Variants in SLC9A8 observed in about 807,000 individuals in gnomAD.
SLC9A8 encodes solute carrier family 9 member A8.
In SLC9A8, 48 loss-of-function variants were observed where a neutral mutation model predicts 66.6. That is an observed-to-expected ratio of 0.72 (90% CI 0.57 to 0.92). The LOEUF is 0.92. SLC9A8 is among the 40% of genes least tolerant of loss of function. The probability of loss-of-function intolerance (pLI) is 0.00; values close to 1 mark genes in which losing one functional copy is unlikely to be tolerated. For missense variants in SLC9A8, 599 were observed against 747.3 expected (o/e 0.80, Z 2.31); for synonymous variants, 274 against 282.6 (o/e 0.97, Z 0.31).
Position 49,855,457 on chromosome 20 carries a change from A to G in SLC9A8, c.589A>G (p.Ile197Val). The change falls in exon 8 of 16, where the codon ATA (isoleucine) becomes GTA (valine). Residue 197 changes from isoleucine to valine, a missense_variant. Ile to Val is a conservative substitution (Grantham distance 29). This residue lies in a region of SLC9A8 where 467 missense variants were observed against 626.5 expected (regional missense o/e 0.75). Transcript: ENST00000361573. Reference sequence around the variant, plus strand: ...TTACAGTTTTGCGTTTGGCTCCCTAATATCTGCTGTCGATCCAGTGGCCAC... The same window carrying G: ...TTACAGTTTTGCGTTTGGCTCCCTAGTATCTGCTGTCGATCCAGTGGCCAC... ...MTDSFAFGSL[I>V]SAVDPVATIA... is the part of the protein sequence containing the mutation. 1 of 1,614,122 alleles carries G rather than the reference A, an allele frequency of 6.2e-7. No homozygotes were observed. The highest frequency in any genetic ancestry group is 8.5e-7 in the Non-Finnish European group (1 of 1,180,026).
chr20:49,863,770 TTA>T (rs2088843330), intron 9 of SLC9A8: 1 of 152,240 alleles, frequency 6.6e-6, no homozygotes, highest in African/African-American at 2.4e-5. Flanking sequence ...AGAAATTTCA[TTA>T]TGTTTAAAAT....
At chr20:49,867,533 T>C (rs1458218820) in intron 10 of SLC9A8, among the ~76,000 whole-genome samples, 1 of 152,220 alleles carries the variant, frequency 6.6e-6, no homozygotes, top group Non-Finnish European at 1.5e-5. Context: ...CCGACATATT[T>C]ACTGATCAGT....
At position 49,886,502 on chromosome 20, in the gene SLC9A8, C is replaced by T. The variant is rs2089897279; in HGVS notation, c.1492-250C>T. 4.7e-6 allele frequency: 2 copies of T among 424,552 alleles called. No homozygotes were observed. The highest frequency in any genetic ancestry group is 8.4e-6 in the Non-Finnish European group (2 of 239,238). The allele number at this position is 424,552 out of a possible 1,614,324, so 26.3% of individuals were successfully genotyped here. A position where few individuals can be genotyped will look rare whatever the true frequency, so the allele number is the denominator to read the frequency against. ...AAGCTTGAAAAGCTTAAAGACCAAG[C>T]CCCAGCCTGGCCCAGTCCTTCTGTT... On this transcript the variant is annotated intron_variant, in intron 14 of 15. Coordinates refer to ENST00000361573, the MANE Select transcript of SLC9A8 (RefSeq NM_015266.3). The surrounding 1 kb of genome is among the most constrained non-coding windows in gnomAD (Gnocchi z 4.8).
chr20:49,887,510 G>A (rs1967758742), intron 15 of SLC9A8, among the ~76,000 whole-genome samples: 1 of 152,154 alleles, frequency 6.6e-6, no homozygotes, highest in Admixed American at 6.5e-5. Context: ...AGGCCTAAGG[G>A]GGTGCAGTAA....
intron 8 of SLC9A8, 122 bp downstream of exon 8, chr20:49,855,703 A>T (rs559584703): frequency 1.1e-6 from 1 of 889,120 alleles, no homozygotes; most frequent in Non-Finnish European, 1.7e-6. Context: ...TGATCAGTTC[A>T]CCCACTCTCT....
chr20:49,872,115 A>G (rs984680443), intron 10 of SLC9A8, among the ~76,000 whole-genome samples: 1 of 152,202 alleles, frequency 6.6e-6, no homozygotes, highest in Non-Finnish European at 1.5e-5. Context: ...GTGAAACTCC[A>G]TCTCAAAGGA....
chr20:49,882,998 G>GCC (rs1414586121), intron 13 of SLC9A8, among the ~76,000 whole-genome samples: 1 of 134,772 alleles, frequency 7.4e-6, no homozygotes, highest in Non-Finnish European at 1.6e-5. Flanking sequence ...TCTGCACCAT[G>GCC]CCCCCCCCCA....
intron 13 of SLC9A8, 85 bp downstream of exon 13, chr20:49,881,120 C>A: frequency 1.0e-6 from 1 of 975,126 alleles, no homozygotes; most frequent in South Asian, 1.3e-5. Flanking sequence ...TCTCTGCTAG[C>A]GCCCTTGGCA....
intron 14 of SLC9A8, chr20:49,884,289 GACACACACACACAC>G (rs1176516884): frequency 5.2e-5 from 2 of 38,758 alleles, no homozygotes; most frequent in Admixed American, 3.7e-4. Context: ...ACACACACAC[GACACACACACACAC>G]ACACACACAC....
rs1333005222 is a variant in SLC9A8 at position 49,844,975 on chromosome 20, T to C, written c.349-61T>C. On this transcript the variant is annotated intron_variant, in intron 4 of 15. Transcript: ENST00000361573. ...AATAATTATTTTGGCTCTTTATTGA[T>C]TAATTTATTTCTTAATTACACAAAT... is the stretch of plus-strand genomic sequence containing the variant. 4.1e-6 allele frequency: 5 copies of C among 1,220,276 alleles called. No individual in the cohort carries two copies. In the African/African-American group the frequency reaches 4.5e-5, roughly 11 times the overall value. 75.6% of individuals were successfully genotyped at this position (1,220,276 alleles called of 1,614,324 possible). A position where few individuals can be genotyped will look rare whatever the true frequency, so the allele number is the denominator to read the frequency against.
chr20:49,820,471 G>A (rs1196045585), intron 2 of SLC9A8, among the ~76,000 whole-genome samples: 5 of 152,010 alleles, frequency 3.3e-5, no homozygotes, highest in Admixed American at 3.3e-4. Flanking sequence ...ACTCCAGCCT[G>A]GGTGACAGAG....
intron 3 of SLC9A8, chr20:49,831,082 C>T (rs573556403): frequency 7.8e-5 from 52 of 667,238 alleles, no homozygotes; most frequent in Admixed American, 3.0e-4. Flanking sequence ...CCTGCATACA[C>T]TAAGCCGTCG....
At chr20:49,883,306 A>T (rs1441668856) in intron 13 of SLC9A8, among the ~76,000 whole-genome samples, 7 of 152,202 alleles carry the variant, frequency 4.6e-5, no homozygotes, top group Non-Finnish European at 8.8e-5. Context: ...CAGGGACAGC[A>T]TCTCGAGATA....
At chr20:49,817,612 G>C (rs940665400) in intron 2 of SLC9A8, among the ~76,000 whole-genome samples, 1 of 152,072 alleles carries the variant, frequency 6.6e-6, no homozygotes, top group Non-Finnish European at 1.5e-5. Flanking sequence ...GGGCAACATA[G>C]TGAGACTCTG....
chr20:49,828,331 C>T (rs2087004929), intron 3 of SLC9A8, among the ~76,000 whole-genome samples: 1 of 151,624 alleles, frequency 6.6e-6, no homozygotes, highest in South Asian at 2.1e-4. Context: ...ATCCGCCTGC[C>T]TCGGCCTCCC....
chr20:49,829,471 C>T (rs549023454), intron 3 of SLC9A8: 181 of 209,382 alleles, frequency 8.6e-4, no homozygotes, highest in Non-Finnish European at 1.1e-3. Flanking sequence ...TGCAGTGAGC[C>T]GAGATCGCAC....
chr20:49,851,719 C>T (rs2088261493), intron 7 of SLC9A8, among the ~76,000 whole-genome samples: 1 of 152,196 alleles, frequency 6.6e-6, no homozygotes, highest in Non-Finnish European at 1.5e-5. Flanking sequence ...CCACCCACCC[C>T]AGCCCAGGAC....
intron 6 of SLC9A8, 191 bp from the exon 7 acceptor site, chr20:49,850,619 C>A: frequency 1.7e-6 from 1 of 594,548 alleles, no homozygotes; most frequent in South Asian, 2.6e-5. Flanking sequence ...CTTTTCCATA[C>A]TCTCGTTGCA....
Position 49,888,104 on chromosome 20 carries a change from G to C in SLC9A8, c.*168G>C. On this transcript the variant is annotated 3_prime_UTR_variant, in exon 16 of 16. Coordinates refer to ENST00000361573, the MANE Select transcript of SLC9A8 (RefSeq NM_015266.3). ...GTCGCCTTAGTCCAGAACCTGACAG[G>C]CCTCTGGAGCCAGGCGACTTCTTGG... The C allele has an allele frequency of 1.8e-6, 1 of 558,010 alleles. No individual in the cohort carries two copies. Among genetic ancestry groups the C allele is most frequent in the South Asian group, 2.0e-5 (1 of 50,012 alleles). 34.6% of individuals were successfully genotyped at this position (558,010 alleles called of 1,614,324 possible).
Sources: gnomAD v4.1 joint callset for allele counts (sites outside exome capture counted in the v4.1 genomes callset) on GRCh38, gnomAD v4.1.1 for gene constraint, gnomAD v4.1.1 regional missense constraint, Gnocchi (gnomAD v3.1) non-coding constraint, MANE v1.5 for transcripts, NCBI Gene and HGNC (gene_info 2026-07-23, HGNC 2026-07-21) for gene names.